Variants in WWOX observed in about 807,000 individuals in gnomAD.
WWOX encodes the protein WW domain containing oxidoreductase.
In WWOX, 69 loss-of-function variants were observed where a neutral mutation model predicts 46.2. The ratio of observed to expected loss-of-function variants is 1.49; its 90% CI spans 1.23 to 1.82. WWOX has a LOEUF of 1.82. WWOX is among the 40% of genes most tolerant of loss of function. WWOX has a pLI of 0.00. For missense variants in WWOX, 919 were observed against 542.6 expected, an observed-to-expected ratio of 1.69 and a Z score of -6.89; for synonymous variants, 359 against 202.6, an observed-to-expected ratio of 1.77 and a Z score of -6.56.
chr16:79,090,447 G>T (rs951003600), intron 8 of WWOX, among the ~76,000 whole-genome samples: 1 of 152,134 alleles, frequency 6.6e-6, no homozygotes, highest in African/African-American at 2.4e-5. Flanking sequence ...TAGTGATACA[G>T]CAGTGAACAA....
intron 8 of WWOX, among the ~76,000 whole-genome samples, chr16:79,193,903 A>G (rs2051187675): frequency 1.3e-5 from 2 of 152,220 alleles, no homozygotes; most frequent in Admixed American, 1.3e-4. Flanking sequence ...TGCCTTCTGT[A>G]CAACATGGCC....
chr16:78,514,309 C>T (rs536567340), intron 8 of WWOX, among the ~76,000 whole-genome samples: 1 of 152,288 alleles, frequency 6.6e-6, no homozygotes, highest in Non-Finnish European at 1.5e-5. Context: ...TAATTATGTG[C>T]AACAGCTGCC....
At chr16:78,978,408 AT>A (rs1032008755) in intron 8 of WWOX, among the ~76,000 whole-genome samples, 2 of 152,292 alleles carry the variant, frequency 1.3e-5, no homozygotes, top group African/African-American at 4.8e-5. Context: ...TTGGGGAAAT[AT>A]CAAACCGTTT....
intron 8 of WWOX, among the ~76,000 whole-genome samples, chr16:78,554,258 G>C (rs1016766722): frequency 6.6e-6 from 1 of 152,140 alleles, no homozygotes; most frequent in Non-Finnish European, 1.5e-5. Flanking sequence ...GAACTGTCAA[G>C]ATTTTCACTA....
At chr16:78,479,691 C>G (rs998772175) in intron 8 of WWOX, among the ~76,000 whole-genome samples, 2 of 152,172 alleles carry the variant, frequency 1.3e-5, no homozygotes, top group Non-Finnish European at 2.9e-5. Flanking sequence ...GGACAGCCCT[C>G]TACAAATTGG....
intron 8 of WWOX, among the ~76,000 whole-genome samples, chr16:79,093,387 G>C (rs1043346564): frequency 3.9e-5 from 6 of 152,168 alleles, no homozygotes; most frequent in East Asian, 3.9e-4. Context: ...TCAATTATGA[G>C]ATCAAAAAGA....
At chr16:78,782,514 T>C (rs939787995) in intron 8 of WWOX, among the ~76,000 whole-genome samples, 16 of 152,128 alleles carry the variant, frequency 1.1e-4, no homozygotes, top group African/African-American at 2.4e-5. Context: ...TCCAAACTAC[T>C]TGGTAATTGA....
intron 8 of WWOX, among the ~76,000 whole-genome samples, chr16:78,768,911 G>A (rs750775402): frequency 2.6e-5 from 4 of 152,146 alleles, no homozygotes; most frequent in Non-Finnish European, 5.9e-5. Flanking sequence ...CTGACGCTGC[G>A]CCATGGTGTA....
chr16:78,795,642 G>C (rs996942881), intron 8 of WWOX, among the ~76,000 whole-genome samples: 1 of 152,158 alleles, frequency 6.6e-6, no homozygotes, highest in Non-Finnish European at 1.5e-5. Context: ...TATAATTCTG[G>C]CTTTTGAATT....
At chr16:78,790,232 T>C (rs535286992) in intron 8 of WWOX, among the ~76,000 whole-genome samples, 33 of 152,274 alleles carry the variant, frequency 2.2e-4, no homozygotes, top group African/African-American at 7.9e-4. Context: ...CTTCCTGGGT[T>C]CAGGTGATTG....
chr16:78,656,548 C>G (rs2047085404), intron 8 of WWOX, among the ~76,000 whole-genome samples: 1 of 152,114 alleles, frequency 6.6e-6, no homozygotes, highest in African/African-American at 2.4e-5. Context: ...GAGGTACTAC[C>G]CACTTTTAAA....
chr16:78,986,862 G>C (rs544913105), intron 8 of WWOX, among the ~76,000 whole-genome samples: 34 of 152,254 alleles, frequency 2.2e-4, no homozygotes, highest in African/African-American at 7.9e-4. Context: ...CATTATGCTT[G>C]ACTTGGGAGT....
intron 8 of WWOX, among the ~76,000 whole-genome samples, chr16:78,967,286 CTTTTTTTTTTTTTTTTT>C (rs71140849): frequency 3.5e-3 from 199 of 56,852 alleles, no homozygotes; most frequent in Middle Eastern, 0.031. Flanking sequence ...CTGCCGAGGC[CTTTTTTTTTTTTTTTTT>C]TTTTTTTTTT....
intron 8 of WWOX, among the ~76,000 whole-genome samples, chr16:78,901,859 G>A (rs957004333): frequency 3.9e-5 from 6 of 152,194 alleles, no homozygotes; most frequent in South Asian, 2.1e-4. Flanking sequence ...GAGGGATGAC[G>A]TGAATTCACA....
intron 8 of WWOX, among the ~76,000 whole-genome samples, chr16:78,999,780 T>C (rs903144282): frequency 2.0e-5 from 3 of 152,150 alleles, no homozygotes; most frequent in African/African-American, 2.4e-5. Context: ...ATTCAGATGA[T>C]GGATACACTA....
At chr16:79,167,942 G>C (rs1264222783) in intron 8 of WWOX, among the ~76,000 whole-genome samples, 1 of 152,092 alleles carries the variant, frequency 6.6e-6, no homozygotes, top group Non-Finnish European at 1.5e-5. Context: ...CTGTGGATTT[G>C]CCTATTCTGG....
chr16:78,179,931 G>T (rs141264248), intron 5 of WWOX: 1 of 152,344 alleles, frequency 6.6e-6, no homozygotes, highest in African/African-American at 2.4e-5. Context: ...AGCCATGGGA[G>T]TTATAACTTG....
intron 8 of WWOX, among the ~76,000 whole-genome samples, chr16:78,762,592 T>C (rs1274888952): frequency 6.6e-6 from 1 of 152,084 alleles, no homozygotes; most frequent in Admixed American, 6.5e-5. Context: ...GTACTAACAG[T>C]GGGCACAGGG....
At chr16:79,058,603 T>A (rs1050767003) in intron 8 of WWOX, among the ~76,000 whole-genome samples, 1 of 152,200 alleles carries the variant, frequency 6.6e-6, no homozygotes, top group African/African-American at 2.4e-5. Flanking sequence ...ACTTGACCTT[T>A]ATGAAGCTGG....
Sources: allele counts gnomAD v4.1 joint callset (sites outside exome capture counted in the v4.1 genomes callset), GRCh38; gene constraint gnomAD v4.1.1; transcripts MANE v1.5; gene names NCBI Gene and HGNC (gene_info 2026-07-23, HGNC 2026-07-21).